PTPRT: variants seen among roughly 807,000 people sequenced by gnomAD.
PTPRT encodes the protein protein tyrosine phosphatase receptor type T, also known as receptor-type tyrosine-protein phosphatase T.
PTPRT carries 56 observed loss-of-function variants against 176.8 expected under a neutral mutation model. That is an observed-to-expected ratio of 0.32 (90% confidence interval 0.26 to 0.40). The LOEUF (loss-of-function observed/expected upper bound fraction) is 0.40, where lower values mean the gene tolerates loss of function less well. Ranked by LOEUF, PTPRT falls within the 10% of genes least tolerant of loss-of-function variation. The pLI is 1.00. For missense variants in PTPRT, 1,540 were observed against 1,908.2 expected (o/e 0.81, Z 3.60); for synonymous variants, 783 against 739.0 (o/e 1.06, Z -0.96).
At chr20:42,196,194 G>C (rs1991211543) in intron 16 of PTPRT, among the ~76,000 whole-genome samples, 1 of 152,164 alleles carries the variant, frequency 6.6e-6, no homozygotes, top group Admixed American at 6.5e-5. Context: ...GACAGAAAAG[G>C]ATGAATTGGT....
At chr20:42,432,936 G>A (rs1430010166) in intron 9 of PTPRT, among the ~76,000 whole-genome samples, 3 of 152,128 alleles carry the variant, frequency 2.0e-5, no homozygotes, top group Admixed American at 2.0e-4. Flanking sequence ...GATCTCTTGA[G>A]ACTGTTTTCC....
At chr20:42,921,996 C>G (rs1020723340) in intron 1 of PTPRT, among the ~76,000 whole-genome samples, 8 of 152,200 alleles carry the variant, frequency 5.3e-5, no homozygotes, top group Admixed American at 1.3e-4. Context: ...AGTGCAGTGG[C>G]ATGATCTCAG....
At chr20:42,497,305 TC>T (rs911329421) in intron 7 of PTPRT, among the ~76,000 whole-genome samples, 2 of 151,936 alleles carry the variant, frequency 1.3e-5, no homozygotes, top group African/African-American at 4.8e-5. Flanking sequence ...ATGGCATTTT[TC>T]CCCCCCAGAA....
At chr20:42,971,094 C>A (rs1266584829) in intron 1 of PTPRT, 1 of 152,252 alleles carries the variant, frequency 6.6e-6, no homozygotes. Flanking sequence ...TCAACTACTA[C>A]AAATTTCTCC....
At chr20:42,556,750 C>T (rs374622690) in intron 7 of PTPRT, among the ~76,000 whole-genome samples, 16 of 152,072 alleles carry the variant, frequency 1.1e-4, no homozygotes, top group African/African-American at 2.2e-4. Context: ...CTGTTGGCCA[C>T]GAAACACATT....
At chr20:42,182,341 T>C (rs1193594899) in intron 16 of PTPRT, among the ~76,000 whole-genome samples, 2 of 152,206 alleles carry the variant, frequency 1.3e-5, no homozygotes, top group South Asian at 2.1e-4. Context: ...ATAACAAAGA[T>C]AGTGAGTTAT....
In PTPRT at chr20:42,875,826, C is replaced by T. The variant is rs184881829; in HGVS notation, c.214+9981G>A. Among the ~76,000 whole-genome samples, 5 of 152,322 alleles carry T rather than the reference C, an allele frequency of 3.3e-5. No individual in the cohort carries two copies. In the East Asian group the frequency reaches 9.6e-4, roughly 29 times the overall value. Reference sequence around the variant, plus strand: ...ACGTCCTGCCTCCACCATATGCTAACGATGACCTGGGCAAGTCATTCAAGT... The same window carrying T: ...ACGTCCTGCCTCCACCATATGCTAATGATGACCTGGGCAAGTCATTCAAGT... On this transcript the variant is annotated intron_variant, in intron 2 of 30. Coordinates refer to ENST00000373187, the MANE Select transcript of PTPRT (RefSeq NM_007050.6).
intron 6 of PTPRT, among the ~76,000 whole-genome samples, chr20:42,750,050 A>G (rs1487949085): frequency 6.6e-6 from 1 of 152,200 alleles, no homozygotes; most frequent in Non-Finnish European, 1.5e-5. Context: ...AAGACAGTAC[A>G]ATGTAAGTAA....
At chr20:42,676,840 G>A (rs1218297241) in intron 7 of PTPRT, among the ~76,000 whole-genome samples, 1 of 152,156 alleles carries the variant, frequency 6.6e-6, no homozygotes, top group East Asian at 1.9e-4. Context: ...CATCTCAGAG[G>A]TACAGTGAGA....
rs778248996 is a variant in PTPRT at position 42,078,185 on chromosome 20, G to A, written c.*2694C>T. 271 of 193,532 alleles carry A rather than the reference G, an allele frequency of 1.4e-3. 9 individuals are homozygous for A. Among genetic ancestry groups the A allele is most frequent in the Admixed American group, 1.2e-3 (19 of 16,310 alleles). The allele number at this position is 193,532 out of a possible 1,614,324, so 12.0% of individuals were successfully genotyped here. A position where few individuals can be genotyped will look rare whatever the true frequency, so the allele number is the denominator to read the frequency against. Reference sequence around the variant, plus strand: ...AAAGGAAAAGAGCAAGTTCATCGTGGGGTTCCTTTGCTTGCCTTTGCTTTG... The same window carrying A: ...AAAGGAAAAGAGCAAGTTCATCGTGAGGTTCCTTTGCTTGCCTTTGCTTTG... On this transcript the variant is annotated 3_prime_UTR_variant, in exon 31 of 31. Transcript: ENST00000373187.
At chr20:42,314,075 C>T (rs977466745) in intron 12 of PTPRT, among the ~76,000 whole-genome samples, 25 of 152,146 alleles carry the variant, frequency 1.6e-4, no homozygotes, top group African/African-American at 6.0e-4. Flanking sequence ...CTCAGGCTTC[C>T]CTTCTCCAGC....
chr20:42,225,593 T>A (rs1190494239), intron 15 of PTPRT, among the ~76,000 whole-genome samples: 1 of 152,194 alleles, frequency 6.6e-6, no homozygotes, highest in Non-Finnish European at 1.5e-5. Flanking sequence ...AAAGTGTGTT[T>A]CTGTGTGTGT....
intron 6 of PTPRT, among the ~76,000 whole-genome samples, chr20:42,714,274 A>G (rs979607538): frequency 1.3e-5 from 2 of 152,180 alleles, no homozygotes; most frequent in African/African-American, 2.4e-5. Flanking sequence ...GAAACTTTGG[A>G]CCAGCTGCCT....
At chr20:42,763,330 T>A (rs563403808) in intron 5 of PTPRT, among the ~76,000 whole-genome samples, 8 of 152,200 alleles carry the variant, frequency 5.3e-5, no homozygotes, top group African/African-American at 1.4e-4. Context: ...GTGGAAACAG[T>A]ACTGTCTTTA....
intron 1 of PTPRT, among the ~76,000 whole-genome samples, chr20:42,987,409 A>C (rs1213699698): frequency 6.6e-6 from 1 of 152,216 alleles, no homozygotes; most frequent in Non-Finnish European, 1.5e-5. Context: ...GTGCAGATAC[A>C]GAATACTGCC....
At chr20:42,169,771 CACACACACACACACACACACAA>C (rs953883550) in intron 16 of PTPRT, among the ~76,000 whole-genome samples, 4 of 143,274 alleles carry the variant, frequency 2.8e-5, no homozygotes, top group South Asian at 2.4e-4. Context: ...CACACACACA[CACACACACACACACACACACAA>C]CAGTCAGTAT....
intron 1 of PTPRT, among the ~76,000 whole-genome samples, chr20:43,024,644 T>A (rs1211090331): frequency 6.6e-6 from 1 of 151,492 alleles, no homozygotes; most frequent in Admixed American, 6.6e-5. Flanking sequence ...ATATGCAACT[T>A]AAAATGCTTA....
At position 42,549,314 on chromosome 20, in the gene PTPRT, G is replaced by T. The variant is rs6016820; in HGVS notation, c.1154-76752C>A. ...AATAGTACTGATTGAAAAAAAAAGG[G>T]TGAAGTAGAATGAGTGATAAATGAT... On this transcript the variant is annotated intron_variant, in intron 7 of 30. Coordinates refer to ENST00000373187, the MANE Select transcript of PTPRT (RefSeq NM_007050.6). 3.4e-3 allele frequency among the ~76,000 whole-genome samples: 515 copies of T among 152,182 alleles called. 6 individuals are homozygous for T. The highest frequency in any genetic ancestry group is 0.012 in the African/African-American group (497 of 41,526).
At chr20:42,488,754 C>A (rs1391159994) in intron 7 of PTPRT, among the ~76,000 whole-genome samples, 1 of 151,930 alleles carries the variant, frequency 6.6e-6, no homozygotes, top group Non-Finnish European at 1.5e-5. Flanking sequence ...CACCTCAGGT[C>A]AGGAATTCGA....
Sources: allele counts gnomAD v4.1 joint callset (sites outside exome capture counted in the v4.1 genomes callset), GRCh38; gene constraint gnomAD v4.1.1; transcripts MANE v1.5; gene names NCBI Gene and HGNC (gene_info 2026-07-23, HGNC 2026-07-21).